CFAP36: variants seen among roughly 807,000 people sequenced by gnomAD.
The protein encoded by CFAP36 is cilia- and flagella-associated protein 36.
A neutral mutation model predicts 50.5 loss-of-function variants in CFAP36; 37 were observed. That is an observed-to-expected ratio of 0.73 (90% CI 0.56 to 0.96). The LOEUF is 0.96. Ranked by LOEUF, CFAP36 falls within the 50% of genes least tolerant of loss-of-function variation. CFAP36 has a pLI of 0.00. For missense variants in CFAP36, 407 were observed against 396.2 expected, an observed-to-expected ratio of 1.03 and a Z score of -0.23; for synonymous variants, 138 against 128.2, an observed-to-expected ratio of 1.08 and a Z score of -0.52.
chr2:55,528,598 G>C (rs1285338595), intron 3 of CFAP36, among the ~76,000 whole-genome samples: 1 of 152,040 alleles, frequency 6.6e-6, no homozygotes, highest in Non-Finnish European at 1.5e-5. Flanking sequence ...GTTTCACCAT[G>C]TTGGCTAGGC....
At chr2:55,534,020 A>G in intron 5 of CFAP36, 60 bp downstream of exon 5, 1 of 989,896 alleles carries the variant, frequency 1.0e-6, no homozygotes, top group Non-Finnish European at 1.5e-6. Context: ...ATCTGTACAT[A>G]TGCTTTTTGC....
chr2:55,539,019 C>A, intron 7 of CFAP36: 1 of 1,016,482 alleles, frequency 9.8e-7, no homozygotes. Flanking sequence ...AGATTTCCCC[C>A]ATATAGTCCC....
At chr2:55,529,067 T>A in intron 4 of CFAP36, 75 bp downstream of exon 4, 1 of 952,834 alleles carries the variant, frequency 1.0e-6, no homozygotes, top group Non-Finnish European at 1.6e-6. Context: ...AATATGGTCT[T>A]AAATGTAGCT....
intron 4 of CFAP36, among the ~76,000 whole-genome samples, chr2:55,529,346 C>T (rs576913584): frequency 5.3e-4 from 81 of 151,644 alleles, no homozygotes; most frequent in Non-Finnish European, 8.4e-4. Context: ...GGCGTGAACC[C>T]GGGAGGTGGA....
At chr2:55,542,471 GC>G (rs1442290428) in intron 7 of CFAP36, among the ~76,000 whole-genome samples, 5 of 152,156 alleles carry the variant, frequency 3.3e-5, no homozygotes, top group African/African-American at 1.2e-4. Context: ...CCTCATTCCT[GC>G]CAGCAATGGA....
intron 1 of CFAP36, 138 bp from the exon 2 acceptor site, chr2:55,521,964 A>AT (rs1684080361): frequency 3.8e-6 from 2 of 525,238 alleles, no homozygotes; most frequent in African/African-American, 3.9e-5. Flanking sequence ...TCATTTATAT[A>AT]TTTTTAAAAG....
At chr2:55,538,959 C>A in intron 7 of CFAP36, 1 of 1,395,174 alleles carries the variant, frequency 7.2e-7, no homozygotes, top group South Asian at 1.6e-5. Context: ...CTTTAATATG[C>A]CTAATTTAAG....
intron 3 of CFAP36, among the ~76,000 whole-genome samples, chr2:55,526,434 T>C (rs991388442): frequency 6.6e-6 from 1 of 152,156 alleles, no homozygotes; most frequent in Non-Finnish European, 1.5e-5. Context: ...ATAGAAAACC[T>C]TTTTTGTTTG....
In CFAP36 at chr2:55,544,296, C is replaced by T; in HGVS notation, c.854C>T (p.Ser285Phe). Residue 285 changes from serine to phenylalanine, a missense_variant, in exon 9 of 10, where the codon TCC (serine) becomes TTC (phenylalanine). By Grantham distance (155) the Ser-to-Phe change is radical (BLOSUM62 -2). Coordinates refer to ENST00000349456, the MANE Select transcript of CFAP36 (RefSeq NM_080667.7). ...AAGCAGAAGAGAGATAAGTTGATGT[C>T]CATGAGAAAGGATATGAGGACTAAA... ...YLKQKRDKLM[S>F]MRKDMRTKQI... The T allele has an allele frequency of 2.5e-6, 4 of 1,613,694 alleles. No individual in the cohort carries two copies. The highest frequency in any genetic ancestry group is 3.4e-6 in the Non-Finnish European group (4 of 1,179,868).
At chr2:55,520,390 A>G in intron 1 of CFAP36, 1 of 1,529,328 alleles carries the variant, frequency 6.5e-7, no homozygotes, top group Non-Finnish European at 8.8e-7. Flanking sequence ...AAATGATTTC[A>G]CTCCAAACCA....
At chr2:55,528,278 A>T (rs1402435300) in intron 3 of CFAP36, among the ~76,000 whole-genome samples, 1 of 151,886 alleles carries the variant, frequency 6.6e-6, no homozygotes, top group Admixed American at 6.6e-5. Context: ...ATTGCTGATC[A>T]TCTTTCTTGT....
At chr2:55,536,244 T>C (rs1684484605) in intron 6 of CFAP36, among the ~76,000 whole-genome samples, 1 of 151,798 alleles carries the variant, frequency 6.6e-6, no homozygotes, top group Non-Finnish European at 1.5e-5. Flanking sequence ...GCGATTCTCC[T>C]GCCTCAGCCT....
chr2:55,543,302 C>T (rs1684688474), intron 7 of CFAP36, among the ~76,000 whole-genome samples: 1 of 152,122 alleles, frequency 6.6e-6, no homozygotes, highest in South Asian at 2.1e-4. Context: ...TGTTAACTCT[C>T]TCTCTTGGTT....
intron 4 of CFAP36, 69 bp from the exon 5 acceptor site, chr2:55,533,804 G>T (rs4671248): frequency 0.84 from 742,189 of 881,092 alleles, 318,436 homozygotes; most frequent in Non-Finnish European, 0.89. Context: ...CTTAAGGAAC[G>T]AGAACAGTGA....
intron 1 of CFAP36, 116 bp downstream of exon 1, chr2:55,520,032 G>T: frequency 1.1e-6 from 1 of 886,346 alleles, no homozygotes; most frequent in Non-Finnish European, 1.8e-6. Context: ...CTCCACCCCT[G>T]TCGCAAGGTC....
chr2:55,519,806 C>A lies in CFAP36; in HGVS notation c.5C>A (p.Ala2Asp). The change falls in exon 1 of 10, where the codon GCT becomes GAT. Residue 2 changes from alanine to aspartate, a missense_variant. Transcript: ENST00000349456. M[A>D]AEEEDEVEWV... Reference sequence around the variant, plus strand: ...CCGTTGCCCCTTTGGGGCGGGATGGCTGCGGAAGAAGAAGACGAGGTGGAG... The same window carrying A: ...CCGTTGCCCCTTTGGGGCGGGATGGATGCGGAAGAAGAAGACGAGGTGGAG... 1 of 1,614,208 alleles carries A rather than the reference C, an allele frequency of 6.2e-7. No homozygotes were observed. The highest frequency in any genetic ancestry group is 1.1e-5 in the South Asian group (1 of 91,086).
At chr2:55,536,187 C>T (rs2103658185) in intron 6 of CFAP36, among the ~76,000 whole-genome samples, 1 of 150,116 alleles carries the variant, frequency 6.7e-6, no homozygotes, top group South Asian at 2.1e-4. Flanking sequence ...GGCTGGAGTG[C>T]AGTGGTGTGA....
chr2:55,525,473 G>C (rs1684182934), intron 3 of CFAP36, among the ~76,000 whole-genome samples: 1 of 152,030 alleles, frequency 6.6e-6, no homozygotes. Context: ...CAAAACATTG[G>C]CTTTGGCATC....
At chr2:55,526,800 T>C (rs892823612) in intron 3 of CFAP36, among the ~76,000 whole-genome samples, 1 of 151,948 alleles carries the variant, frequency 6.6e-6, no homozygotes, top group African/African-American at 2.4e-5. Context: ...GGCAGGAGGA[T>C]TACTTTAGGC....
Sources: allele counts gnomAD v4.1 joint callset (sites outside exome capture counted in the v4.1 genomes callset), GRCh38; gene constraint gnomAD v4.1.1; transcripts MANE v1.5; gene names NCBI Gene and HGNC (gene_info 2026-07-23, HGNC 2026-07-21).